Variants in TBCD observed in about 807,000 individuals in gnomAD.
TBCD encodes the protein tubulin folding cofactor D.
A neutral mutation model predicts 169.3 loss-of-function variants in TBCD; 105 were observed. The observed-to-expected ratio is 0.62, with a 90% CI of 0.53 to 0.73. The LOEUF (loss-of-function observed/expected upper bound fraction) is 0.73, where lower values mean the gene tolerates loss of function less well. Ranked by LOEUF, TBCD falls within the 30% of genes least tolerant of loss-of-function variation. TBCD has a pLI of 0.00. For missense variants in TBCD, 1,444 were observed against 1,600.1 expected (o/e 0.90, Z 1.66); for synonymous variants, 700 against 643.9 (o/e 1.09, Z -1.32).
At chr17:82,876,908 G>A (rs1045571203) in intron 14 of TBCD, 2 of 974,436 alleles carry the variant, frequency 2.1e-6, no homozygotes, top group African/African-American at 3.5e-5. Flanking sequence ...GTCTCCTGCT[G>A]TCAGCCGGTC....
At chr17:82,778,330 G>A (rs78604724) in intron 6 of TBCD, among the ~76,000 whole-genome samples, 6,604 of 152,270 alleles carry the variant, frequency 0.043, 302 homozygotes, top group African/African-American at 0.11. Context: ...AACTCTGTGC[G>A]TTTTAAAGGG....
chr17:82,907,675 G>GC, intron 20 of TBCD, 86 bp from the exon 21 acceptor site: 1 of 1,463,608 alleles, frequency 6.8e-7, no homozygotes, highest in African/African-American at 1.4e-5. Flanking sequence ...TAGGGTCTTG[G>GC]GGAGTGTGGC....
At chr17:82,767,989 C>T (rs906649064) in intron 4 of TBCD, among the ~76,000 whole-genome samples, 2 of 151,262 alleles carry the variant, frequency 1.3e-5, no homozygotes, top group African/African-American at 4.9e-5. Flanking sequence ...CTCAGGTGAT[C>T]CGCTCGTCTC....
intron 2 of TBCD, among the ~76,000 whole-genome samples, chr17:82,757,023 A>C (rs2451215): frequency 0.54 from 81,279 of 151,910 alleles, 22,406 homozygotes; most frequent in South Asian, 0.63. Context: ...GATGTATTTC[A>C]CACTGATTAA....
intron 12 of TBCD, 127 bp from the exon 13 acceptor site, chr17:82,814,713 G>T (rs1744293853): frequency 3.5e-6 from 3 of 865,958 alleles, no homozygotes; most frequent in Non-Finnish European, 5.5e-6. Flanking sequence ...ATGGGTTTTA[G>T]TGAGCCTTAC....
chr17:82,759,503 T>C (rs2047635776), intron 2 of TBCD, among the ~76,000 whole-genome samples: 1 of 152,088 alleles, frequency 6.6e-6, no homozygotes, highest in South Asian at 2.1e-4. Flanking sequence ...AAAATTTTGT[T>C]TTTGCAGGGT....
chr17:82,801,606 C>T (rs1197439287), intron 9 of TBCD, among the ~76,000 whole-genome samples: 3 of 123,002 alleles, frequency 2.4e-5, no homozygotes, highest in Admixed American at 8.8e-5. Flanking sequence ...AGGAGGGTGG[C>T]GTGTGCGTCG....
Position 82,941,489 on chromosome 17 carries a change from C to A in TBCD, c.3564+6C>A. 6.3e-7 allele frequency: 1 copy of A among 1,586,414 alleles called. No individual in the cohort carries two copies. The highest frequency in any genetic ancestry group is 8.6e-7 in the Non-Finnish European group (1 of 1,167,276). On this transcript the variant is annotated splice_donor_region_variant and intron_variant, in intron 38 of 38. Transcript: ENST00000355528. ...GGCCCCAGCTGGTGCCCCAGGTAACCCTGTCACCTTCACAGCATGAGGTGC... is the reference window on the plus strand; with the variant it reads ...GGCCCCAGCTGGTGCCCCAGGTAACACTGTCACCTTCACAGCATGAGGTGC...
intron 30 of TBCD, among the ~76,000 whole-genome samples, chr17:82,928,796 C>G (rs1265478491): frequency 6.6e-6 from 1 of 151,814 alleles, no homozygotes; most frequent in Non-Finnish European, 1.5e-5. Flanking sequence ...CTCCTGTAAT[C>G]CTATTTGTTG....
chr17:82,916,514 G>GTT (rs199992177), intron 23 of TBCD, among the ~76,000 whole-genome samples: 4 of 145,492 alleles, frequency 2.7e-5, no homozygotes, highest in African/African-American at 7.5e-5. Context: ...CAAAGGTGCT[G>GTT]TTTTTTTTTT....
chr17:82,820,604 G>A (rs570807573), intron 13 of TBCD, among the ~76,000 whole-genome samples: 1 of 152,182 alleles, frequency 6.6e-6, no homozygotes, highest in East Asian at 1.9e-4. Flanking sequence ...TAATACACAT[G>A]TTGGTACTCT....
intron 12 of TBCD, among the ~76,000 whole-genome samples, chr17:82,811,289 A>C (rs1021123338): frequency 2.6e-5 from 4 of 152,184 alleles, no homozygotes; most frequent in African/African-American, 7.2e-5. Context: ...CGGCCTGCTC[A>C]TCAGGCCTAG....
At chr17:82,801,522 G>A (rs113300999) in intron 9 of TBCD, among the ~76,000 whole-genome samples, 4 of 145,212 alleles carry the variant, frequency 2.8e-5, no homozygotes, top group African/African-American at 1.0e-4. Context: ...ATGGCGGCAT[G>A]TGTGTCGTCG....
intron 23 of TBCD, among the ~76,000 whole-genome samples, chr17:82,916,767 C>G (rs898214892): frequency 6.6e-6 from 1 of 152,008 alleles, no homozygotes; most frequent in Non-Finnish European, 1.5e-5. Context: ...AACAAGTTCC[C>G]TTTGTGTTTA....
intron 7 of TBCD, among the ~76,000 whole-genome samples, chr17:82,788,841 C>T (rs1160121112): frequency 6.6e-6 from 1 of 152,190 alleles, no homozygotes; most frequent in African/African-American, 2.4e-5. Context: ...CAGCGCCCGC[C>T]CCACCTGGGA....
intron 23 of TBCD, among the ~76,000 whole-genome samples, chr17:82,916,154 C>T (rs1411928331): frequency 6.6e-6 from 1 of 152,210 alleles, no homozygotes; most frequent in Admixed American, 6.5e-5. Flanking sequence ...GGACCATTTT[C>T]TCTTTGCCTG....
At chr17:82,844,896 A>G (rs1598880804) in intron 13 of TBCD, among the ~76,000 whole-genome samples, 1 of 152,056 alleles carries the variant, frequency 6.6e-6, no homozygotes, top group African/African-American at 2.4e-5. Context: ...ACTCAGAAGC[A>G]CCACGCACCT....
At chr17:82,919,970 G>A (rs894462994) in intron 23 of TBCD, among the ~76,000 whole-genome samples, 8 of 152,236 alleles carry the variant, frequency 5.3e-5, no homozygotes, top group East Asian at 1.9e-4. Flanking sequence ...AGTGGGTTCC[G>A]TTGTTAGGTA....
At chr17:82,908,977 G>T (rs2146877543) in intron 21 of TBCD, among the ~76,000 whole-genome samples, 1 of 152,372 alleles carries the variant, frequency 6.6e-6, no homozygotes, top group South Asian at 2.1e-4. Context: ...ACAAGAGGCT[G>T]CCTGGGTGGG....
Sources: gnomAD v4.1 joint callset for allele counts (sites outside exome capture counted in the v4.1 genomes callset) on GRCh38, gnomAD v4.1.1 for gene constraint, MANE v1.5 for transcripts, NCBI Gene and HGNC (gene_info 2026-07-23, HGNC 2026-07-21) for gene names.